The following INTS9 variants were observed in gnomAD, a reference collection of about 807,000 sequenced individuals.
The protein encoded by INTS9 is protein related to CPSF subunits of 74 kDa.
Under a neutral mutation model 79.7 loss-of-function variants are expected in INTS9, and 55 were observed. The ratio of observed to expected loss-of-function variants is 0.69; its 90% CI spans 0.56 to 0.86. The LOEUF (loss-of-function observed/expected upper bound fraction) is 0.86. Among genes scored for constraint, INTS9 ranks in the 40% least tolerant of loss-of-function variants. The pLI is 0.00. For synonymous variants in INTS9, 319 were observed against 325.2 expected (o/e 0.98, Z 0.20); for missense variants, 721 against 831.5 (o/e 0.87, Z 1.64).
intron 2 of INTS9, among the ~76,000 whole-genome samples, chr8:28,852,980 T>C (rs1451583108): frequency 6.6e-6 from 1 of 152,220 alleles, no homozygotes; most frequent in Admixed American, 6.5e-5. Flanking sequence ...GCTTACTGTG[T>C]TCCAATGAGT....
chr8:28,852,327 T>A (rs1020971312), intron 2 of INTS9, among the ~76,000 whole-genome samples: 8 of 151,484 alleles, frequency 5.3e-5, no homozygotes, highest in African/African-American at 1.5e-4. Flanking sequence ...TGGGAGTTTT[T>A]AAAAAAGTTT....
chr8:28,833,956 T>C (rs530920057), intron 6 of INTS9, among the ~76,000 whole-genome samples: 1 of 152,326 alleles, frequency 6.6e-6, no homozygotes, highest in Admixed American at 6.5e-5. Context: ...TCCGGGATTG[T>C]TAAGGACTTC....
At chr8:28,856,429 T>G (rs567816036) in intron 2 of INTS9, among the ~76,000 whole-genome samples, 8 of 152,198 alleles carry the variant, frequency 5.3e-5, no homozygotes, top group Admixed American at 2.0e-4. Flanking sequence ...TGTTGTTGTT[T>G]TTTTGAGACA....
intron 6 of INTS9, among the ~76,000 whole-genome samples, chr8:28,831,256 G>C (rs932603152): frequency 2.0e-5 from 3 of 152,166 alleles, no homozygotes; most frequent in Non-Finnish European, 2.9e-5. Flanking sequence ...GGAGCTGAAC[G>C]AGAACACATG....
chr8:28,813,521 T>A lies in INTS9; in HGVS notation c.580A>T (p.Ile194Phe), dbSNP rs758578426. 13 of 1,613,706 alleles carry A rather than the reference T, an allele frequency of 8.1e-6. No individual in the cohort carries two copies. The highest frequency in any genetic ancestry group is 1.1e-5 in the Non-Finnish European group (13 of 1,179,670). Reference sequence around the variant, plus strand: ...TTCTGAGAATATCCCACCAGCTGGATTTTACTAAGGGCAGAGTTCACCTCT... The same window carrying A: ...TTCTGAGAATATCCCACCAGCTGGAATTTACTAAGGGCAGAGTTCACCTCT... ...MQEVNSALSKIQLVGYSQKIE... is the reference protein window; with the variant it reads ...MQEVNSALSKFQLVGYSQKIE... Residue 194 changes from isoleucine to phenylalanine, a missense_variant, in exon 7 of 17, where the codon ATC becomes TTC. Physicochemically the swap from Ile to Phe is conservative, Grantham distance 21. Transcript: ENST00000521022.
chr8:28,880,398 G>A (rs1421259119), intron 1 of INTS9, among the ~76,000 whole-genome samples: 1 of 152,036 alleles, frequency 6.6e-6, no homozygotes, highest in Non-Finnish European at 1.5e-5. Context: ...GCCTGCGATT[G>A]CAGGCGCGTG....
At chr8:28,881,066 C>T (rs1326939497) in intron 1 of INTS9, among the ~76,000 whole-genome samples, 18 of 150,808 alleles carry the variant, frequency 1.2e-4, no homozygotes, top group African/African-American at 4.1e-4. Context: ...CCGGCAACCA[C>T]CCCGTCTGGG....
At chr8:28,832,243 G>A (rs1345517368) in intron 6 of INTS9, among the ~76,000 whole-genome samples, 2 of 152,168 alleles carry the variant, frequency 1.3e-5, no homozygotes, top group Non-Finnish European at 2.9e-5. Flanking sequence ...GAGGGCAAGA[G>A]AAAAGGGAGC....
chr8:28,780,334 C>A, intron 12 of INTS9: 1 of 977,332 alleles, frequency 1.0e-6, no homozygotes, highest in Non-Finnish European at 1.2e-6. Context: ...ATTCAAAGGG[C>A]TGGGCACGCT....
chr8:28,768,263 C>G lies in INTS9; in HGVS notation c.1860G>C (p.Gln620His). 1 of 1,614,104 alleles carries G rather than the reference C, an allele frequency of 6.2e-7. No homozygotes were observed. Among genetic ancestry groups the G allele is most frequent in the Non-Finnish European group, 8.5e-7 (1 of 1,179,996 alleles). The stretch of plus-strand genomic sequence containing the variant: ...CAATCTGGATGAGCGTCTCAGCCTC[C>G]TGGAGCAGGACGATATGGCCCTTGG... ...DTAKGHIVLL[Q>H]EAETLIQIEE... The change falls in exon 17 of 17, where the codon CAG becomes CAC. Residue 620 changes from glutamine to histidine, a missense_variant. Gln to His is a conservative substitution (Grantham distance 24). Coordinates refer to ENST00000521022, the MANE Select transcript of INTS9 (RefSeq NM_018250.4).
intron 6 of INTS9, among the ~76,000 whole-genome samples, chr8:28,824,696 A>G (rs1002983241): frequency 1.1e-4 from 17 of 152,176 alleles, no homozygotes; most frequent in African/African-American, 3.9e-4. Context: ...TGTTACCTCC[A>G]CATCCCCATA....
intron 1 of INTS9, among the ~76,000 whole-genome samples, chr8:28,882,532 TAAAAAA>T (rs369293166): frequency 1.6e-5 from 1 of 63,300 alleles, no homozygotes; most frequent in Non-Finnish European, 3.1e-5. Context: ...TATTAACAGC[TAAAAAA>T]AAAAAAAAAG....
intron 3 of INTS9, among the ~76,000 whole-genome samples, chr8:28,849,472 T>A (rs9644149): frequency 0.82 from 124,061 of 151,864 alleles, 50,765 homozygotes; most frequent in Admixed American, 0.84. Flanking sequence ...TAAGACTCCA[T>A]ATCCCAGAGT....
chr8:28,816,592 T>C (rs1379825259), intron 6 of INTS9, among the ~76,000 whole-genome samples: 2 of 149,882 alleles, frequency 1.3e-5, no homozygotes, highest in African/African-American at 5.0e-5. Flanking sequence ...TTTGCTATTG[T>C]GAATAGTGCC....
intron 10 of INTS9, among the ~76,000 whole-genome samples, chr8:28,788,283 T>C (rs533413989): frequency 1.8e-4 from 27 of 152,332 alleles, no homozygotes; most frequent in Non-Finnish European, 3.5e-4. Flanking sequence ...CCAGACTTCA[T>C]TCAGATTTCA....
At chr8:28,874,892 T>C (rs573956146) in intron 1 of INTS9, among the ~76,000 whole-genome samples, 11 of 152,298 alleles carry the variant, frequency 7.2e-5, no homozygotes, top group African/African-American at 2.2e-4. Context: ...ATACCTGAGA[T>C]TGGGCAGTTT....
At chr8:28,865,302 T>C (rs1179831236) in intron 1 of INTS9, among the ~76,000 whole-genome samples, 1 of 151,604 alleles carries the variant, frequency 6.6e-6, no homozygotes, top group Non-Finnish European at 1.5e-5. Flanking sequence ...TTAAAAAAAG[T>C]AGATGTATCT....
chr8:28,811,124 CTCTCT>C (rs1430405568), intron 8 of INTS9, among the ~76,000 whole-genome samples: 4 of 140,386 alleles, frequency 2.8e-5, no homozygotes, highest in African/African-American at 1.1e-4. Flanking sequence ...TTTTCTTTCT[CTCTCT>C]TTTTTTTTTT....
At chr8:28,774,040 C>T (rs1197082245) in intron 14 of INTS9, among the ~76,000 whole-genome samples, 2 of 152,130 alleles carry the variant, frequency 1.3e-5, no homozygotes, top group African/African-American at 2.4e-5. Context: ...GTCTTGAACT[C>T]CTGACCTCAT....
Sources: gnomAD v4.1 joint callset for allele counts (sites outside exome capture counted in the v4.1 genomes callset) on GRCh38, gnomAD v4.1.1 for gene constraint, MANE v1.5 for transcripts, NCBI Gene and HGNC (gene_info 2026-07-23, HGNC 2026-07-21) for gene names.